Variants in POLR3B observed in about 807,000 individuals in gnomAD.
POLR3B encodes DNA-directed RNA polymerase III subunit RPC2.
POLR3B carries 96 observed loss-of-function variants against 147.4 expected under a neutral mutation model. The ratio of observed to expected loss-of-function variants is 0.65; its 90% CI spans 0.55 to 0.77. POLR3B has a LOEUF of 0.77. POLR3B is among the 30% of genes least tolerant of loss of function. The pLI, the probability that POLR3B is intolerant of heterozygous loss-of-function variation, is 0.00. For missense variants in POLR3B, 1,036 were observed against 1,413.5 expected, an observed-to-expected ratio of 0.73 and a Z score of 4.28; for synonymous variants, 461 against 485.9, an observed-to-expected ratio of 0.95 and a Z score of 0.67.
intron 4 of POLR3B, among the ~76,000 whole-genome samples, chr12:106,368,443 C>T (rs1479293807): frequency 6.6e-6 from 1 of 151,954 alleles, no homozygotes; most frequent in Non-Finnish European, 1.5e-5. Flanking sequence ...AATTTCAGTT[C>T]GACACTGCAG....
At chr12:106,364,658 C>A (rs1350329033) in intron 2 of POLR3B, among the ~76,000 whole-genome samples, 2 of 152,214 alleles carry the variant, frequency 1.3e-5, no homozygotes, top group African/African-American at 4.8e-5. Flanking sequence ...CACAAATGCT[C>A]ATAGCAGTAT....
intron 6 of POLR3B, among the ~76,000 whole-genome samples, chr12:106,370,767 G>A (rs1267110011): frequency 6.6e-6 from 1 of 151,902 alleles, no homozygotes; most frequent in South Asian, 2.1e-4. Context: ...GAGTAGCTGG[G>A]ATTATAGGCG....
In POLR3B at chr12:106,459,231, C is replaced by A; in HGVS notation, c.2453-20C>A. ...ACACAGATGATAACGATGTGCCTAACACTTTTCTTTTTTTCTCAGGTGAGA... is the reference window on the plus strand; with the variant it reads ...ACACAGATGATAACGATGTGCCTAAAACTTTTCTTTTTTTCTCAGGTGAGA... On this transcript the variant is annotated intron_variant, in intron 21 of 27. Transcript: ENST00000228347. The A allele has an allele frequency of 7.7e-7, 1 of 1,302,326 alleles. No individual in the cohort carries two copies. The highest frequency in any genetic ancestry group is 1.1e-6 in the Non-Finnish European group (1 of 896,090). 80.7% of individuals were successfully genotyped at this position (1,302,326 alleles called of 1,614,324 possible). A position where few individuals can be genotyped will look rare whatever the true frequency, so the allele number is the denominator to read the frequency against.
At chr12:106,395,805 A>G (rs1039165509) in intron 10 of POLR3B, among the ~76,000 whole-genome samples, 1 of 151,970 alleles carries the variant, frequency 6.6e-6, no homozygotes, top group African/African-American at 2.4e-5. Context: ...CCCCGCCTCT[A>G]CTAGAAATAC....
intron 4 of POLR3B, among the ~76,000 whole-genome samples, chr12:106,368,334 A>G (rs564701605): frequency 1.3e-5 from 2 of 152,180 alleles, no homozygotes; most frequent in East Asian, 3.9e-4. Flanking sequence ...GAGCTCAGAA[A>G]TATGTGTATG....
chr12:106,449,840 G>C (rs189248719), intron 19 of POLR3B, among the ~76,000 whole-genome samples: 1 of 152,104 alleles, frequency 6.6e-6, no homozygotes, highest in African/African-American at 2.4e-5. Context: ...GCATAGTGCC[G>C]GCTTAGTAGG....
chr12:106,431,620 A>G (rs1033342094), intron 14 of POLR3B, among the ~76,000 whole-genome samples: 2 of 152,230 alleles, frequency 1.3e-5, no homozygotes, highest in African/African-American at 4.8e-5. Context: ...AAGATTTTCC[A>G]CAATCTTTCA....
At chr12:106,508,748 G>A (rs2038728917) in intron 27 of POLR3B, among the ~76,000 whole-genome samples, 1 of 152,222 alleles carries the variant, frequency 6.6e-6, no homozygotes, top group African/African-American at 2.4e-5. Flanking sequence ...GGGAACATAT[G>A]TGCACATGCA....
At chr12:106,395,521 C>G (rs2036967305) in intron 10 of POLR3B, among the ~76,000 whole-genome samples, 3 of 152,252 alleles carry the variant, frequency 2.0e-5, no homozygotes, top group South Asian at 2.1e-4. Flanking sequence ...AAATCCATCC[C>G]CATGATCCAG....
At chr12:106,380,579 T>A (rs1241692165) in intron 9 of POLR3B, among the ~76,000 whole-genome samples, 1 of 152,118 alleles carries the variant, frequency 6.6e-6, no homozygotes, top group African/African-American at 2.4e-5. Flanking sequence ...TGAGAACTCA[T>A]CTCTACAAAT....
chr12:106,436,016 G>A lies in POLR3B; in HGVS notation c.1782-1041G>A, dbSNP rs140940845. On this transcript the variant is annotated intron_variant, in intron 16 of 27. Transcript: ENST00000228347. The stretch of plus-strand genomic sequence containing the variant: ...AGGCTTAACCTGAATCCACTGCAGC[G>A]CTCAAATGAGGCATTAGTAGGCTCT... Among the ~76,000 whole-genome samples, 53 of 152,178 alleles carry A rather than the reference G, an allele frequency of 3.5e-4. No homozygotes were observed. The East Asian group carries it at 7.2e-3, about 21-fold the overall frequency.
chr12:106,469,447 A>G (rs1332118353), intron 23 of POLR3B, among the ~76,000 whole-genome samples: 1 of 152,158 alleles, frequency 6.6e-6, no homozygotes, highest in African/African-American at 2.4e-5. Flanking sequence ...TAGCCCATTT[A>G]CATTTAAGGT....
At chr12:106,416,697 C>T (rs1284056455) in intron 12 of POLR3B, among the ~76,000 whole-genome samples, 2 of 152,240 alleles carry the variant, frequency 1.3e-5, no homozygotes, top group South Asian at 4.1e-4. Flanking sequence ...TGCCTCCTTC[C>T]CCTTCCCCTG....
intron 9 of POLR3B, among the ~76,000 whole-genome samples, chr12:106,389,840 G>A (rs545333628): frequency 6.6e-6 from 1 of 152,310 alleles, no homozygotes; most frequent in East Asian, 1.9e-4. Context: ...GCTATAGTAT[G>A]CACTGCAGTT....
In POLR3B at chr12:106,377,346, A is replaced by G. The variant is rs139177165; in HGVS notation, c.496+896A>G. Among the ~76,000 whole-genome samples the G allele has an allele frequency of 8.5e-5, 13 of 152,322 alleles. No homozygotes were observed. The East Asian group carries it at 2.5e-3, about 29-fold the overall frequency. On this transcript the variant is annotated intron_variant, in intron 7 of 27. Coordinates refer to ENST00000228347, the MANE Select transcript of POLR3B (RefSeq NM_018082.6). ...TAAAGTTGCATTGTTTTAGAATCCC[A>G]GAAGTTTTGGAAAGAAGTTAATGAA...
chr12:106,431,671 CTGT>C (rs971430526), intron 14 of POLR3B, among the ~76,000 whole-genome samples: 2 of 152,214 alleles, frequency 1.3e-5, no homozygotes, highest in African/African-American at 2.4e-5. Flanking sequence ...AACCATAGCA[CTGT>C]TATCAGCCTC....
chr12:106,445,100 AGTTTATTTTCCTTC>A (rs1353166681), intron 19 of POLR3B, among the ~76,000 whole-genome samples: 14 of 152,266 alleles, frequency 9.2e-5, no homozygotes, highest in African/African-American at 3.4e-4. Context: ...CTGATTTCTG[AGTTTATTTTCCTTC>A]CTCTTTCTCT....
chr12:106,492,220 AT>A (rs1322774523), intron 23 of POLR3B, among the ~76,000 whole-genome samples: 1 of 151,748 alleles, frequency 6.6e-6, no homozygotes, highest in African/African-American at 2.4e-5. Context: ...TAAAACCAGT[AT>A]TTTTTAAAGG....
chr12:106,507,255 C>T (rs150349628), intron 27 of POLR3B, among the ~76,000 whole-genome samples: 147 of 152,182 alleles, frequency 9.7e-4, no homozygotes, highest in African/African-American at 3.5e-3. Flanking sequence ...TTGTTGTTCA[C>T]GTCAAGTTTC....
Sources: allele counts gnomAD v4.1 joint callset (sites outside exome capture counted in the v4.1 genomes callset), GRCh38; gene constraint gnomAD v4.1.1; transcripts MANE v1.5; gene names NCBI Gene and HGNC (gene_info 2026-07-23, HGNC 2026-07-21).